The following OTUD7B variants were observed in gnomAD, a reference collection of about 807,000 sequenced individuals.
OTUD7B encodes OTU domain-containing protein 7B.
OTUD7B carries 34 observed loss-of-function variants against 82.2 expected under a neutral mutation model. That is an observed-to-expected ratio of 0.41 (90% CI 0.31 to 0.55). OTUD7B has a LOEUF of 0.55. Among genes scored for constraint, OTUD7B ranks in the 20% least tolerant of loss-of-function variants. The pLI is 0.20. For missense variants in OTUD7B, 944 were observed against 1,062.1 expected (o/e 0.89, Z 1.55); for synonymous variants, 398 against 402.7 (o/e 0.99, Z 0.14).
chr1:149,964,603 G>C (rs113436207), intron 5 of OTUD7B, among the ~76,000 whole-genome samples: 2 of 151,524 alleles, frequency 1.3e-5, no homozygotes, highest in African/African-American at 2.4e-5. Flanking sequence ...TTTTTTGGTT[G>C]GTTTTTTTGA....
In OTUD7B at chr1:149,943,181, T is replaced by C. The variant is rs1471876796; in HGVS notation, c.*676A>G. The C allele has an allele frequency of 6.6e-6, 1 of 152,456 alleles. No homozygotes were observed. Among genetic ancestry groups the C allele is most frequent in the Admixed American group, 6.5e-5 (1 of 15,276 alleles). The allele number at this position is 152,456 out of a possible 1,614,324, so 9.4% of individuals were successfully genotyped here. A position where few individuals can be genotyped will look rare whatever the true frequency, so the allele number is the denominator to read the frequency against. On this transcript the variant is annotated 3_prime_UTR_variant, in exon 12 of 12. Transcript: ENST00000581312. ...TTCTCAAACTGTAACAGATGACATA[T>C]GACTGCTTGGAAGGAAATAAACCTT...
chr1:150,032,534 T>C, the OTUD7B span, among the ~76,000 whole-genome samples: 2 of 148,840 alleles, frequency 1.3e-5, no homozygotes, highest in Non-Finnish European at 3.0e-5. Context: ...ACTTGGTAAA[T>C]TGAGGTGGGA....
chr1:149,989,796 T>C (rs1401532556), intron 1 of OTUD7B, among the ~76,000 whole-genome samples: 1 of 151,120 alleles, frequency 6.6e-6, no homozygotes, highest in African/African-American at 2.4e-5. Context: ...ATTTGTCTTT[T>C]ATAAAATTAT....
At chr1:150,049,962 A>AT in the OTUD7B span, among the ~76,000 whole-genome samples, 2 of 152,288 alleles carry the variant, frequency 1.3e-5, no homozygotes, top group East Asian at 3.9e-4. Context: ...CTGTCATCCC[A>AT]ACACTTTGGG....
At chr1:150,021,819 GA>G in the OTUD7B span, among the ~76,000 whole-genome samples, 1 of 152,172 alleles carries the variant, frequency 6.6e-6, no homozygotes, top group South Asian at 2.1e-4. Context: ...CTTTCCTAAA[GA>G]GAGGCAGAAG....
intron 1 of OTUD7B, among the ~76,000 whole-genome samples, chr1:149,982,005 C>T (rs1188337581): frequency 6.6e-5 from 10 of 151,900 alleles, no homozygotes; most frequent in Admixed American, 5.9e-4. Context: ...AAAAATTAGC[C>T]GGGCGTGGTG....
intron 1 of OTUD7B, among the ~76,000 whole-genome samples, chr1:150,002,222 T>C (rs1411780638): frequency 6.6e-6 from 1 of 151,406 alleles, no homozygotes; most frequent in Non-Finnish European, 1.5e-5. Flanking sequence ...TTTTTTTAGA[T>C]AAATATACTT....
the OTUD7B span, among the ~76,000 whole-genome samples, chr1:150,044,976 G>A: frequency 4.0e-5 from 6 of 151,752 alleles, no homozygotes; most frequent in Non-Finnish European, 7.4e-5. Flanking sequence ...TATAGCCAAC[G>A]TCCCTAAACA....
intron 3 of OTUD7B, among the ~76,000 whole-genome samples, chr1:149,970,343 G>C (rs1462548509): frequency 1.8e-4 from 25 of 142,744 alleles, no homozygotes; most frequent in African/African-American, 5.0e-4. Flanking sequence ...TTTGTAGACA[G>C]AGTCTCACTG....
At chr1:150,016,923 C>T in the OTUD7B span, among the ~76,000 whole-genome samples, 4 of 152,280 alleles carry the variant, frequency 2.6e-5, no homozygotes, top group African/African-American at 9.6e-5. Context: ...AACTGTCTCC[C>T]CTGTCTCTAA....
rs34299927 is a variant in OTUD7B, at chr1:149,958,322, C to CTTTTTTTTTT, written c.845+1352_845+1361dup. On this transcript the variant is annotated intron_variant, in intron 7 of 11. Transcript: ENST00000581312. ...TATCTCTAAAAACATAAAGGACTAC[C>CTTTTTTTTTT]TTTTTTTTTTTTTTTTTTTTTTTGA... Among the ~76,000 whole-genome samples the CTTTTTTTTTT allele has an allele frequency of 3.1e-4, 27 of 86,394 alleles. 2 individuals are homozygous for CTTTTTTTTTT. Among genetic ancestry groups the CTTTTTTTTTT allele is most frequent in the Non-Finnish European group, 3.9e-4 (19 of 48,640 alleles). The allele number at this position is 86,394 out of a possible 152,430, so 56.7% of individuals were successfully genotyped here.
the OTUD7B span, among the ~76,000 whole-genome samples, chr1:150,026,208 C>G: frequency 6.6e-6 from 1 of 152,158 alleles, no homozygotes; most frequent in Admixed American, 6.5e-5. Flanking sequence ...GAACTTGGAT[C>G]AGAACATGAT....
chr1:150,059,572 T>C, the OTUD7B span, among the ~76,000 whole-genome samples: 109 of 152,090 alleles, frequency 7.2e-4, no homozygotes, highest in African/African-American at 2.6e-3. Context: ...TTTTTCCATG[T>C]TGGTCAGGCT....
intron 1 of OTUD7B, among the ~76,000 whole-genome samples, chr1:149,996,075 A>T (rs1404590616): frequency 6.6e-6 from 1 of 152,254 alleles, no homozygotes; most frequent in African/African-American, 2.4e-5. Flanking sequence ...AACTCGCATG[A>T]CCACATTACA....
Position 149,940,699 on chromosome 1 carries a change from T to C in OTUD7B, c.*3158A>G, listed in dbSNP as rs1357464619. On this transcript the variant is annotated 3_prime_UTR_variant, in exon 12 of 12. Transcript: ENST00000581312. ...CCCCCTTCACTCACACACCCCTCCTTAACTAAGGAATTTTTCTGCCCATTT... is the reference window on the plus strand; with the variant it reads ...CCCCCTTCACTCACACACCCCTCCTCAACTAAGGAATTTTTCTGCCCATTT... 2.0e-5 allele frequency: 3 copies of C among 152,060 alleles called. No homozygotes were observed. The highest frequency in any genetic ancestry group is 7.2e-5 in the African/African-American group (3 of 41,404). The allele number at this position is 152,060 out of a possible 1,614,324, so 9.4% of individuals were successfully genotyped here.
At chr1:149,975,707 A>G (rs1650256718) in intron 2 of OTUD7B, among the ~76,000 whole-genome samples, 1 of 152,014 alleles carries the variant, frequency 6.6e-6, no homozygotes. Context: ...TAGGAAGTAT[A>G]GGGAAAAGTA....
At chr1:149,988,299 A>C (rs2101893303) in intron 1 of OTUD7B, among the ~76,000 whole-genome samples, 1 of 152,320 alleles carries the variant, frequency 6.6e-6, no homozygotes, top group Non-Finnish European at 1.5e-5. Context: ...GGTCTCAGGA[A>C]CTAGTCCCTG....
chr1:149,996,331 C>T (rs1433368236), intron 1 of OTUD7B, among the ~76,000 whole-genome samples: 10 of 152,150 alleles, frequency 6.6e-5, no homozygotes, highest in African/African-American at 1.7e-4. Flanking sequence ...CTTTTCAGCA[C>T]CAAGACACAT....
upstream of OTUD7B, among the ~76,000 whole-genome samples, chr1:150,015,134 G>T (rs1029931297): frequency 6.6e-5 from 10 of 152,000 alleles, no homozygotes; most frequent in African/African-American, 2.4e-4. Flanking sequence ...GAATGAATTG[G>T]CAGCCATTTG....
Sources: allele counts gnomAD v4.1 joint callset (sites outside exome capture counted in the v4.1 genomes callset), GRCh38; gene constraint gnomAD v4.1.1; transcripts MANE v1.5; gene names NCBI Gene and HGNC (gene_info 2026-07-23, HGNC 2026-07-21).